PIPOX: variants seen among roughly 807,000 people sequenced by gnomAD.
PIPOX encodes the protein pipecolic acid and sarcosine oxidase.
A neutral mutation model predicts 47.9 loss-of-function variants in PIPOX; 45 were observed. The ratio of observed to expected loss-of-function variants is 0.94; its 90% confidence interval spans 0.74 to 1.20. The LOEUF (loss-of-function observed/expected upper bound fraction) is 1.20, where lower values mean the gene tolerates loss of function less well. Ranked by LOEUF, PIPOX falls within the 50% of genes most tolerant of loss-of-function variation. The pLI is 0.00. For missense variants in PIPOX, 458 were observed against 498.4 expected (o/e 0.92, Z 0.77); for synonymous variants, 165 against 191.3 (o/e 0.86, Z 1.13).
intron 1 of PIPOX, chr17:29,044,502 C>T (rs2065777507): frequency 6.2e-6 from 1 of 160,744 alleles, no homozygotes; most frequent in Admixed American, 6.3e-5. Flanking sequence ...GGGACAGGAT[C>T]TCACTCTATT....
At chr17:29,049,450 A>G (rs2065797383) in intron 2 of PIPOX, among the ~76,000 whole-genome samples, 1 of 152,330 alleles carries the variant, frequency 6.6e-6, no homozygotes, top group African/African-American at 2.4e-5. Flanking sequence ...ATGCAGAATG[A>G]GCAGTCTATT....
At chr17:29,044,784 C>T (rs2065778518) in intron 1 of PIPOX, 75 bp from the exon 2 acceptor site, 1 of 1,437,322 alleles carries the variant, frequency 7.0e-7, no homozygotes. Context: ...ACAGCACATG[C>T]TGATATGGCT....
intron 2 of PIPOX, among the ~76,000 whole-genome samples, chr17:29,050,920 T>A (rs2065803667): frequency 6.6e-6 from 1 of 151,636 alleles, no homozygotes; most frequent in Non-Finnish European, 1.5e-5. Context: ...GGTGGGCAGA[T>A]CATGAGGTCA....
At chr17:29,054,129 G>A (rs2065817769) in intron 4 of PIPOX, among the ~76,000 whole-genome samples, 1 of 152,136 alleles carries the variant, frequency 6.6e-6, no homozygotes, top group South Asian at 2.1e-4. Flanking sequence ...GCTGCAATGA[G>A]TCGTGATTCT....
At chr17:29,053,309 G>C (rs2065814138) in intron 3 of PIPOX, 104 bp from the exon 4 acceptor site, 3 of 1,290,804 alleles carry the variant, frequency 2.3e-6, no homozygotes, top group Non-Finnish European at 3.3e-6. Flanking sequence ...TACAGGACAG[G>C]TCTAGATTCT....
At chr17:29,045,403 CTTTTTTTT>C (rs57047541) in intron 2 of PIPOX, among the ~76,000 whole-genome samples, 78 of 50,984 alleles carry the variant, frequency 1.5e-3, no homozygotes, top group East Asian at 5.3e-3. Flanking sequence ...CAGGAGGATT[CTTTTTTTT>C]TTTTTTTTTT....
In PIPOX at chr17:29,055,825, G is replaced by A. The variant is rs763212824; in HGVS notation, c.979G>A (p.Glu327Lys). 6 of 1,613,652 alleles carry A rather than the reference G, an allele frequency of 3.7e-6. No homozygotes were observed. The highest frequency in any genetic ancestry group is 5.1e-6 in the Non-Finnish European group (6 of 1,179,694). ...TGTTTCTTTCTAGAATACCCCTGAT[G>A]AGCAGTTCATTCTCGATCGCCACCC... The part of the protein sequence containing the change: ...ESCMYTNTPD[E>K]QFILDRHPKY... Residue 327 changes from glutamate to lysine, a missense_variant, in exon 7 of 8, where the codon GAG (glutamate) becomes AAG (lysine). Transcript: ENST00000323372.
intron 1 of PIPOX, among the ~76,000 whole-genome samples, chr17:29,043,810 T>C (rs529126837): frequency 1.3e-5 from 2 of 151,668 alleles, no homozygotes; most frequent in African/African-American, 4.9e-5. Context: ...AGCTTCTGTT[T>C]TTTTTTTTTA....
intron 3 of PIPOX, 69 bp downstream of exon 3, chr17:29,053,202 A>T (rs952799497): frequency 6.9e-7 from 1 of 1,458,256 alleles, no homozygotes; most frequent in Admixed American, 1.7e-5. Context: ...CCAAGCAGCC[A>T]GCCCAAGACC....
Position 29,055,883 on chromosome 17 carries a change from T to A in PIPOX, c.1037T>A (p.Phe346Tyr). Reference protein sequence around the residue: ...KYDNIVIGAGFSGHGFKLAPV... With the variant: ...KYDNIVIGAGYSGHGFKLAPV... ...GACAACATTGTCATTGGTGCTGGATTCTCTGGTGAGTCTGAGCTGGGGGGA... is the reference window on the plus strand; with the variant it reads ...GACAACATTGTCATTGGTGCTGGATACTCTGGTGAGTCTGAGCTGGGGGGA... The change falls in exon 7 of 8, where the codon TTC (phenylalanine) becomes TAC (tyrosine). Residue 346 changes from phenylalanine (F) to tyrosine (Y), a missense_variant. By Grantham distance (22) the Phe-to-Tyr change is conservative. Transcript: ENST00000323372. 1 of 1,613,866 alleles carries A rather than the reference T, an allele frequency of 6.2e-7. No homozygotes were observed. Among genetic ancestry groups the A allele is most frequent in the Non-Finnish European group, 8.5e-7 (1 of 1,179,754 alleles).
Position 29,054,575 on chromosome 17 carries a change from G to C in PIPOX, c.691G>C (p.Glu231Gln). Residue 231 changes from glutamate (E) to glutamine (Q), a missense_variant, in exon 5 of 8, where the codon GAG becomes CAG. Transcript: ENST00000323372. The part of the protein sequence containing the change: ...TLRINVCYWR[E>Q]MVPGSYGVSQ... ...GCGGATCAACGTGTGTTACTGGCGA[G>C]AGATGGTTCCTGGGAGCTATGGTGT... is the stretch of plus-strand genomic sequence containing the variant. 1.2e-6 allele frequency: 2 copies of C among 1,614,218 alleles called. No homozygotes were observed. Among genetic ancestry groups the C allele is most frequent in the Non-Finnish European group, 1.7e-6 (2 of 1,180,042 alleles).
rs2065812265 is a variant in PIPOX at position 29,052,986 on chromosome 17, G to A, written c.330G>A (p.Leu110=). The A allele has an allele frequency of 6.2e-7, 1 of 1,614,266 alleles. No individual in the cohort carries two copies. The highest frequency in any genetic ancestry group is 8.5e-7 in the Non-Finnish European group (1 of 1,180,044). ...NQELKTIQAN[L]SRQRVEHQCL... ...AATTAAAGACAATCCAGGCCAATCTGTCGAGGCAGAGGGTAGAACACCAGT... is the reference window on the plus strand; with the variant it reads ...AATTAAAGACAATCCAGGCCAATCTATCGAGGCAGAGGGTAGAACACCAGT... The change falls in exon 3 of 8, where the codon CTG becomes CTA. Residue 110 remains leucine, a synonymous_variant. Coordinates refer to ENST00000323372, the MANE Select transcript of PIPOX (RefSeq NM_016518.3).
chr17:29,055,281 G>A, intron 6 of PIPOX, 60 bp downstream of exon 6: 1 of 1,597,186 alleles, frequency 6.3e-7, no homozygotes. Context: ...GGAAGAAGGA[G>A]ACAGACCTTG....
intron 2 of PIPOX, among the ~76,000 whole-genome samples, chr17:29,048,973 G>A (rs955557360): frequency 6.6e-6 from 1 of 152,146 alleles, no homozygotes; most frequent in Non-Finnish European, 1.5e-5. Context: ...GGCAGGTGCA[G>A]GGAGAGCCGT....
chr17:29,055,103 G>A lies in PIPOX; in HGVS notation c.848G>A (p.Arg283Gln), dbSNP rs560458958. Residue 283 changes from arginine (R) to glutamine (Q), a missense_variant, in exon 6 of 8, where the codon CGG becomes CAG. Coordinates refer to ENST00000323372, the MANE Select transcript of PIPOX (RefSeq NM_016518.3). ...HHGNHADPEE[R>Q]DCPTARTDIG... ...GGCAACCACGCAGACCCTGAGGAGC[G>A]GGACTGCCCCACAGCACGCACAGAC... The A allele has an allele frequency of 2.7e-5, 43 of 1,614,094 alleles. 1 individual carries two copies. In the South Asian group the frequency reaches 3.7e-4, roughly 14 times the overall value.
intron 2 of PIPOX, among the ~76,000 whole-genome samples, chr17:29,050,034 C>T (rs926850686): frequency 6.6e-6 from 1 of 152,204 alleles, no homozygotes; most frequent in Non-Finnish European, 1.5e-5. Flanking sequence ...TAGAACATCA[C>T]TCAGCATTTC....
At chr17:29,047,622 T>C (rs1441251018) in intron 2 of PIPOX, among the ~76,000 whole-genome samples, 1 of 152,224 alleles carries the variant, frequency 6.6e-6, no homozygotes, top group Non-Finnish European at 1.5e-5. Context: ...TACAACTTTA[T>C]TTATAGACAC....
intron 6 of PIPOX, among the ~76,000 whole-genome samples, 172 bp from the exon 7 acceptor site, chr17:29,055,641 A>C (rs1340100841): frequency 2.6e-5 from 4 of 152,246 alleles, no homozygotes; most frequent in Non-Finnish European, 5.9e-5. Context: ...GCAGCCGGAC[A>C]AATGAAAAAG....
chr17:29,052,397 G>T (rs917996956), intron 2 of PIPOX, among the ~76,000 whole-genome samples: 5 of 152,232 alleles, frequency 3.3e-5, no homozygotes, highest in African/African-American at 1.2e-4. Flanking sequence ...GAGAGCCCAA[G>T]GGCAGACTTG....
Sources: allele counts gnomAD v4.1 joint callset (sites outside exome capture counted in the v4.1 genomes callset), GRCh38; gene constraint gnomAD v4.1.1; transcripts MANE v1.5; gene names NCBI Gene and HGNC (gene_info 2026-07-23, HGNC 2026-07-21).